AXIN1: variants seen among roughly 807,000 people sequenced by gnomAD.
AXIN1 encodes axin-1.
A neutral mutation model predicts 76.4 loss-of-function variants in AXIN1; 30 were observed. The ratio of observed to expected loss-of-function variants is 0.39; its 90% CI spans 0.29 to 0.53. The LOEUF is 0.53. Among genes scored for constraint, AXIN1 ranks in the 20% least tolerant of loss-of-function variants. The probability of loss-of-function intolerance (pLI) is 0.66; values close to 1 mark genes in which losing one functional copy is unlikely to be tolerated. For missense variants in AXIN1, 1,140 were observed against 1,198.8 expected, an observed-to-expected ratio of 0.95 and a Z score of 0.72; for synonymous variants, 545 against 501.4, an observed-to-expected ratio of 1.09 and a Z score of -1.16.
chr16:313,490 A>G (rs1597044148), intron 3 of AXIN1, among the ~76,000 whole-genome samples: 1 of 152,234 alleles, frequency 6.6e-6, no homozygotes, highest in Non-Finnish European at 1.5e-5. Flanking sequence ...CACTGGCCGC[A>G]GTGGGGATGG....
In AXIN1 at chr16:288,318, G is replaced by T. The variant is rs548297534; in HGVS notation, c.2463-70C>A. ...GATGGGAAGGAGGCCTGTGGCAGGG[G>T]ACGGCGTGTCCACACCCCATCCCGA... On this transcript the variant is annotated intron_variant, in intron 10 of 10. Transcript: ENST00000262320. 213 of 1,593,706 alleles carry T rather than the reference G, an allele frequency of 1.3e-4. No individual in the cohort carries two copies. The African/African-American group carries it at 3.0e-3, about 23-fold the overall frequency.
chr16:293,711 C>A lies in AXIN1; in HGVS notation c.1963G>T (p.Gly655Trp), dbSNP rs2141487381. ...TCATGGGGCTGTGGCTTCCTCGTCC[C>A]CGAAGACCTTGGGGAACAAGAGAAC... is the stretch of plus-strand genomic sequence containing the variant. ...RHRRTGHGSS[G>W]TRKPQPHENS... is the part of the protein sequence containing the mutation. Residue 655 changes from glycine (G) to tryptophan (W), a missense_variant, in exon 8 of 11, where the codon GGG becomes TGG. Coordinates refer to ENST00000262320, the MANE Select transcript of AXIN1 (RefSeq NM_003502.4). This position sits in a 1 kb window ranked among gnomAD's most constrained non-coding sequence, Gnocchi z 4.6. 6.2e-7 allele frequency: 1 copy of A among 1,613,512 alleles called. No homozygotes were observed.
intron 3 of AXIN1, among the ~76,000 whole-genome samples, chr16:313,599 C>T (rs952152992): frequency 6.6e-6 from 1 of 152,208 alleles, no homozygotes; most frequent in Non-Finnish European, 1.5e-5. Flanking sequence ...TCCTGCGGCT[C>T]GGCCCCAGCC....
intron 2 of AXIN1, among the ~76,000 whole-genome samples, chr16:325,149 G>A (rs973535243): frequency 5.3e-5 from 8 of 150,664 alleles, no homozygotes; most frequent in African/African-American, 1.2e-4. Flanking sequence ...TCAGCCCCGC[G>A]GGCGGCCCCG....
chr16:310,398 T>C (rs921751351), intron 3 of AXIN1, among the ~76,000 whole-genome samples: 3 of 152,132 alleles, frequency 2.0e-5, no homozygotes, highest in Non-Finnish European at 4.4e-5. Flanking sequence ...TCTACATTTT[T>C]TTTTCTTCTT....
At chr16:315,870 T>C (rs1036622606) in intron 2 of AXIN1, among the ~76,000 whole-genome samples, 22 of 138,072 alleles carry the variant, frequency 1.6e-4, no homozygotes, top group African/African-American at 5.2e-4. Flanking sequence ...CTGACCAACA[T>C]GGTGAAACCC....
intron 4 of AXIN1, among the ~76,000 whole-genome samples, chr16:307,873 G>T (rs749467335): frequency 6.6e-6 from 1 of 152,186 alleles, no homozygotes; most frequent in Non-Finnish European, 1.5e-5. Context: ...ACCATCCTCG[G>T]GTCCAGTTTC....
At chr16:310,801 G>A (rs567126110) in intron 3 of AXIN1, among the ~76,000 whole-genome samples, 2 of 152,338 alleles carry the variant, frequency 1.3e-5, no homozygotes, top group South Asian at 2.1e-4. Context: ...CACGGGAAAC[G>A]TTTGCTGGCC....
At chr16:318,482 C>A (rs76432475) in intron 2 of AXIN1, among the ~76,000 whole-genome samples, 1 of 152,174 alleles carries the variant, frequency 6.6e-6, no homozygotes, top group Non-Finnish European at 1.5e-5. Context: ...AGGATCTGCC[C>A]TCAGCACTCA....
intron 4 of AXIN1, among the ~76,000 whole-genome samples, 188 bp from the exon 5 acceptor site, chr16:304,629 G>A (rs1236695927): frequency 2.0e-5 from 3 of 152,142 alleles, no homozygotes; most frequent in Non-Finnish European, 4.4e-5. Flanking sequence ...CTGCTTCCCG[G>A]GTTCAAGCGA....
chr16:295,361 C>G (rs1257435445), intron 7 of AXIN1, among the ~76,000 whole-genome samples: 1 of 151,894 alleles, frequency 6.6e-6, no homozygotes, highest in African/African-American at 2.4e-5. Context: ...CCACCTGCCT[C>G]GGCCTCCCAA....
Position 299,205 on chromosome 16 carries a change from C to T in AXIN1, c.1255-954G>A, listed in dbSNP as rs138185605. 4.8e-4 allele frequency: 473 copies of T among 985,434 alleles called. 2 individuals are homozygous for T. The African/African-American group carries it at 7.1e-3, about 15-fold the overall frequency. 61.0% of individuals were successfully genotyped at this position (985,434 alleles called of 1,614,324 possible). ...CAAGTTAACAGGTGCTGAAGCTTAT[C>T]TGTCAGAGCAAACATTTGATCACTT... On this transcript the variant is annotated intron_variant, in intron 5 of 10. Coordinates refer to ENST00000262320, the MANE Select transcript of AXIN1 (RefSeq NM_003502.4).
intron 9 of AXIN1, 49 bp downstream of exon 9, chr16:291,141 G>T (rs143206516): frequency 2.0e-6 from 3 of 1,529,108 alleles, no homozygotes; most frequent in South Asian, 1.2e-5. Flanking sequence ...GGCTTGGGAC[G>T]CCAGGGCTGG....
At position 304,382 on chromosome 16, in the gene AXIN1, G is replaced by T. The variant is rs749010403; in HGVS notation, c.1176C>A (p.Leu392=). ...GCTGCACAGCCTCCAGGCGGTGGAT[G>T]AGCTCCTCCGCGAACTTCTGAGGCT... ...RVEPQKFAEE[L]IHRLEAVQRT... Residue 392 remains leucine, a synonymous_variant, in exon 5 of 11, where the codon CTC becomes CTA. Transcript: ENST00000262320. 6.2e-7 allele frequency: 1 copy of T among 1,612,694 alleles called. No individual in the cohort carries two copies. The highest frequency in any genetic ancestry group is 8.5e-7 in the Non-Finnish European group (1 of 1,179,910).
rs142362146 is a variant in AXIN1, at chr16:313,500, G to A, written c.1019+1043C>T. Among the ~76,000 whole-genome samples the A allele has an allele frequency of 4.6e-5, 7 of 152,326 alleles. No individual in the cohort carries two copies. The East Asian group carries it at 1.4e-3, about 29-fold the overall frequency. ...GACACCACTGGCCGCAGTGGGGATG[G>A]AGGGTGGTGGTCCGCGGGCTCCAGC... On this transcript the variant is annotated intron_variant, in intron 3 of 10. Transcript: ENST00000262320.
At position 293,770 on chromosome 16, in the gene AXIN1, G is replaced by A. The variant is rs1176313577; in HGVS notation, c.1956-52C>T. ...ACTGTGGCCGACACCCTGGCCAGGT[G>A]GCCTGGTGGGGCTACACTCATCTCA... On this transcript the variant is annotated intron_variant, in intron 7 of 10. Transcript: ENST00000262320. The surrounding 1 kb of genome is among the most constrained non-coding windows in gnomAD (Gnocchi z 4.6). 5 of 1,550,750 alleles carry A rather than the reference G, an allele frequency of 3.2e-6. No individual in the cohort carries two copies. The highest frequency in any genetic ancestry group is 4.4e-6 in the Non-Finnish European group (5 of 1,128,340).
Position 288,050 on chromosome 16 carries a change from G to C in AXIN1, c.*72C>G, listed in dbSNP as rs2052433995. 1.2e-6 allele frequency: 2 copies of C among 1,609,034 alleles called. No homozygotes were observed. On this transcript the variant is annotated 3_prime_UTR_variant, in exon 11 of 11. Coordinates refer to ENST00000262320, the MANE Select transcript of AXIN1 (RefSeq NM_003502.4). Reference sequence around the variant, plus strand: ...TCCCCATCGGGCTCCTGAGTACGAGGTCATCTGCCTGGCCGTGACACCCGT... The same window carrying C: ...TCCCCATCGGGCTCCTGAGTACGAGCTCATCTGCCTGGCCGTGACACCCGT...
At position 304,156 on chromosome 16, in the gene AXIN1, G is replaced by C. The variant is rs1250598377; in HGVS notation, c.1254+148C>G. On this transcript the variant is annotated intron_variant, in intron 5 of 10. Coordinates refer to ENST00000262320, the MANE Select transcript of AXIN1 (RefSeq NM_003502.4). ...GAGCTGGGGCTCGGCTGCAGAGAAA[G>C]GGGAACAGGGGACTCAGCCGGGAGG... 2.9e-6 allele frequency: 4 copies of C among 1,366,298 alleles called. No individual in the cohort carries two copies. The East Asian group carries it at 9.3e-5, about 32-fold the overall frequency. The allele number at this position is 1,366,298 out of a possible 1,614,324, so 84.6% of individuals were successfully genotyped here.
chr16:341,726 G>C (rs2053927008), intron 2 of AXIN1, among the ~76,000 whole-genome samples: 1 of 152,268 alleles, frequency 6.6e-6, no homozygotes, highest in Admixed American at 6.5e-5. Flanking sequence ...TGGGGACGTG[G>C]AGAACCTTTA....
Sources: allele counts gnomAD v4.1 joint callset (sites outside exome capture counted in the v4.1 genomes callset), GRCh38; gene constraint gnomAD v4.1.1; non-coding constraint Gnocchi (gnomAD v3.1); transcripts MANE v1.5; gene names NCBI Gene and HGNC (gene_info 2026-07-23, HGNC 2026-07-21).